SNX7: variants seen among roughly 807,000 people sequenced by gnomAD.
The protein encoded by SNX7 is sorting nexin 7.
A neutral mutation model predicts 48.4 loss-of-function variants in SNX7; 35 were observed. The observed-to-expected ratio is 0.72, with a 90% CI of 0.55 to 0.96. SNX7 has a LOEUF of 0.96. Ranked by LOEUF, SNX7 falls within the 40% of genes least tolerant of loss-of-function variation. The probability of loss-of-function intolerance (pLI) is 0.00; values close to 1 mark genes in which losing one functional copy is unlikely to be tolerated. For synonymous variants in SNX7, 190 were observed against 190.2 expected (o/e 1.00, Z 0.01); for missense variants, 553 against 548.9 (o/e 1.01, Z -0.07).
intron 7 of SNX7, among the ~76,000 whole-genome samples, chr1:98,719,949 A>G (rs183113636): frequency 8.6e-5 from 13 of 150,460 alleles, no homozygotes; most frequent in Admixed American, 6.0e-4. Context: ...ATTCAACTGT[A>G]TATATTTTAA....
chr1:98,677,969 G>A (rs1236274186), intron 1 of SNX7, among the ~76,000 whole-genome samples: 1 of 148,912 alleles, frequency 6.7e-6, no homozygotes, highest in East Asian at 2.0e-4. Flanking sequence ...ATCTAGAGCT[G>A]TATGAGTCTG....
chr1:98,730,651 C>G (rs1225037069), intron 7 of SNX7, among the ~76,000 whole-genome samples: 1 of 151,920 alleles, frequency 6.6e-6, no homozygotes, highest in Admixed American at 6.6e-5. Context: ...TTCCCGTTCA[C>G]AGTTTCACAA....
chr1:98,677,242 T>C (rs1650214272), intron 1 of SNX7: 1 of 152,246 alleles, frequency 6.6e-6, no homozygotes, highest in South Asian at 2.1e-4. Context: ...CAGTTAATTT[T>C]ATTTATAAAG....
intron 1 of SNX7, chr1:98,662,804 C>T (rs1460251286): frequency 3.1e-6 from 4 of 1,289,172 alleles, no homozygotes; most frequent in Non-Finnish European, 2.0e-6. Flanking sequence ...TTAACGTTAC[C>T]TGGAGATATT....
At chr1:98,746,570 A>T (rs1206662377) in intron 8 of SNX7, among the ~76,000 whole-genome samples, 1 of 152,108 alleles carries the variant, frequency 6.6e-6, no homozygotes, top group African/African-American at 2.4e-5. Context: ...GGGAAAACAC[A>T]TGATAGAGAT....
chr1:98,711,184 T>A (rs1652285377), intron 7 of SNX7, among the ~76,000 whole-genome samples: 2 of 152,004 alleles, frequency 1.3e-5, no homozygotes, highest in Admixed American at 6.6e-5. Flanking sequence ...GCCCAGCTAA[T>A]TTTTGTATTT....
At chr1:98,665,155 A>G (rs1051528551) in intron 1 of SNX7, among the ~76,000 whole-genome samples, 1 of 152,202 alleles carries the variant, frequency 6.6e-6, no homozygotes, top group African/African-American at 2.4e-5. Flanking sequence ...TCAGTAAATG[A>G]TAGCTCTAAT....
chr1:98,734,459 G>A (rs1409742781), intron 7 of SNX7, among the ~76,000 whole-genome samples: 1 of 152,088 alleles, frequency 6.6e-6, no homozygotes, highest in Non-Finnish European at 1.5e-5. Context: ...GGCAGACATC[G>A]GTTTGAATCC....
At chr1:98,754,303 A>C (rs1654737284) in intron 8 of SNX7, among the ~76,000 whole-genome samples, 1 of 152,020 alleles carries the variant, frequency 6.6e-6, no homozygotes, top group African/African-American at 2.4e-5. Flanking sequence ...TATGTTTAGG[A>C]GGAATAATGG....
At chr1:98,731,112 A>G (rs1325938442) in intron 7 of SNX7, among the ~76,000 whole-genome samples, 2 of 110,820 alleles carry the variant, frequency 1.8e-5, no homozygotes, top group Non-Finnish European at 4.3e-5. Flanking sequence ...TCTCAGGAAA[A>G]ATAGTTTTAA....
intron 2 of SNX7, among the ~76,000 whole-genome samples, chr1:98,685,662 G>C (rs566331827): frequency 2.0e-5 from 3 of 152,014 alleles, no homozygotes; most frequent in African/African-American, 7.2e-5. Context: ...TTATTTAATA[G>C]CATTTGAAAA....
intron 8 of SNX7, among the ~76,000 whole-genome samples, chr1:98,757,423 T>C (rs1654906227): frequency 6.6e-6 from 1 of 152,022 alleles, no homozygotes; most frequent in Admixed American, 6.6e-5. Flanking sequence ...TGTCCTCAGA[T>C]GATTTTTCCT....
chr1:98,745,651 T>C (rs1654276203), intron 8 of SNX7, among the ~76,000 whole-genome samples: 1 of 152,084 alleles, frequency 6.6e-6, no homozygotes, highest in Non-Finnish European at 1.5e-5. Flanking sequence ...GCTTAGAAGT[T>C]TACTCAGTCT....
At chr1:98,718,758 A>G (rs1237137000) in intron 7 of SNX7, among the ~76,000 whole-genome samples, 2 of 152,110 alleles carry the variant, frequency 1.3e-5, no homozygotes, top group Non-Finnish European at 2.9e-5. Flanking sequence ...CTTTATGCAT[A>G]TGCAATAAAT....
chr1:98,708,438 A>G (rs920986734), intron 7 of SNX7, among the ~76,000 whole-genome samples: 2 of 152,208 alleles, frequency 1.3e-5, no homozygotes, highest in Non-Finnish European at 2.9e-5. Flanking sequence ...GAATTTACTT[A>G]TCAGCTACAA....
intron 7 of SNX7, among the ~76,000 whole-genome samples, chr1:98,702,883 C>T (rs1054795650): frequency 6.6e-6 from 1 of 152,008 alleles, no homozygotes; most frequent in Non-Finnish European, 1.5e-5. Flanking sequence ...ATTGAGTGCA[C>T]TTACATCAGG....
chr1:98,691,937 A>ACACACT lies in SNX7; in HGVS notation c.639+239_639+240insACACTC, dbSNP rs376006567. Among the ~76,000 whole-genome samples, 289 of 131,170 alleles carry ACACACT rather than the reference A, an allele frequency of 2.2e-3. 1 individual carries two copies. The highest frequency in any genetic ancestry group is 7.2e-3 in the South Asian group (27 of 3,754). 86.1% of individuals were successfully genotyped at this position (131,170 alleles called of 152,430 possible). ...TATACACACACACACACACACACAC[A>ACACACT]CTCTCTCTCTCTCTCTCTCTCTCTC... On this transcript the variant is annotated intron_variant, in intron 4 of 8. Transcript: ENST00000306121.
chr1:98,748,590 A>G (rs1570608274), intron 8 of SNX7, among the ~76,000 whole-genome samples: 1 of 151,574 alleles, frequency 6.6e-6, no homozygotes, highest in African/African-American at 2.4e-5. Context: ...ACTACATACT[A>G]TGGGCCAATA....
intron 8 of SNX7, among the ~76,000 whole-genome samples, chr1:98,742,360 C>G (rs1447766374): frequency 7.2e-5 from 11 of 152,120 alleles, no homozygotes; most frequent in Non-Finnish European, 1.3e-4. Context: ...CGGCCCTGCT[C>G]TATATCTCAC....
Sources: allele counts gnomAD v4.1 joint callset (sites outside exome capture counted in the v4.1 genomes callset), GRCh38; gene constraint gnomAD v4.1.1; transcripts MANE v1.5; gene names NCBI Gene and HGNC (gene_info 2026-07-23, HGNC 2026-07-21).